The following SIK3 variants were observed in gnomAD, a reference collection of about 807,000 sequenced individuals.
SIK3 encodes the protein serine/threonine-protein kinase SIK3.
In SIK3, 28 loss-of-function variants were observed where a neutral mutation model predicts 144.2. That is an observed-to-expected ratio of 0.19 (90% CI 0.14 to 0.27). The LOEUF is 0.27. Ranked by LOEUF, SIK3 falls within the 10% of genes least tolerant of loss-of-function variation. The pLI is 1.00. For missense variants in SIK3, 1,319 were observed against 1,776.0 expected (o/e 0.74, Z 4.62); for synonymous variants, 686 against 676.3 (o/e 1.01, Z -0.22).
rs769359616 is a variant in SIK3, at chr11:116,847,002, T to C, written c.3953-449A>G. The stretch of plus-strand genomic sequence containing the variant: ...GGCACAATGTAGGATAAAGGCTCTA[T>C]CGTTTTTGCCACTTTACAGATGAGG... On this transcript the variant is annotated intron_variant, in intron 23 of 24. Coordinates refer to ENST00000445177, the MANE Select transcript of SIK3 (RefSeq NM_001366686.3). Among the ~76,000 whole-genome samples the C allele has an allele frequency of 3.4e-4, 52 of 152,234 alleles. 1 individual carries two copies. The highest frequency in any genetic ancestry group is 6.2e-4 in the Non-Finnish European group (42 of 68,010).
intron 6 of SIK3, among the ~76,000 whole-genome samples, chr11:116,891,798 C>T (rs1413549769): frequency 6.6e-6 from 1 of 151,974 alleles, no homozygotes; most frequent in Non-Finnish European, 1.5e-5. Flanking sequence ...AAGACTGGAG[C>T]CAGGAATCCA....
intron 3 of SIK3, among the ~76,000 whole-genome samples, chr11:116,947,691 A>G (rs61907604): frequency 0.32 from 47,775 of 150,302 alleles, 8,634 homozygotes; most frequent in African/African-American, 0.5. Flanking sequence ...TCAGCCTCCC[A>G]AGTAGCTGGG....
At chr11:116,882,205 T>C (rs1408107190) in intron 6 of SIK3, among the ~76,000 whole-genome samples, 1 of 152,066 alleles carries the variant, frequency 6.6e-6, no homozygotes, top group South Asian at 2.1e-4. Flanking sequence ...AGACGGCAAG[T>C]TGGATGGATT....
chr11:116,900,863 TTA>T (rs1297200965), intron 4 of SIK3, among the ~76,000 whole-genome samples: 212 of 146,816 alleles, frequency 1.4e-3, no homozygotes, highest in African/African-American at 5.3e-3. Flanking sequence ...TATATATTAT[TTA>T]TTTTTTTTTT....
chr11:116,995,658 C>T (rs1261869833), intron 1 of SIK3, among the ~76,000 whole-genome samples: 1 of 152,156 alleles, frequency 6.6e-6, no homozygotes, highest in African/African-American at 2.4e-5. Flanking sequence ...CTAGTGATTG[C>T]TCTTAATCCT....
intron 1 of SIK3, among the ~76,000 whole-genome samples, chr11:117,033,750 A>AAAAGG (rs1952372523): frequency 6.6e-6 from 1 of 151,502 alleles, no homozygotes; most frequent in Admixed American, 6.6e-5. Flanking sequence ...AAAAAAAAAG[A>AAAAGG]AAAGGAAAAG....
At chr11:116,868,354 G>A (rs1186841949) in intron 14 of SIK3, among the ~76,000 whole-genome samples, 1 of 152,194 alleles carries the variant, frequency 6.6e-6, no homozygotes, top group Non-Finnish European at 1.5e-5. Flanking sequence ...TCACAAAGAT[G>A]AGATCACTTT....
intron 6 of SIK3, among the ~76,000 whole-genome samples, chr11:116,892,965 C>T (rs1178823528): frequency 6.6e-6 from 1 of 152,108 alleles, no homozygotes; most frequent in Non-Finnish European, 1.5e-5. Flanking sequence ...TCTGAAAAGG[C>T]TGCATCCTGT....
At chr11:116,878,325 C>G (rs1247411972) in intron 6 of SIK3, among the ~76,000 whole-genome samples, 1 of 152,058 alleles carries the variant, frequency 6.6e-6, no homozygotes, top group Non-Finnish European at 1.5e-5. Flanking sequence ...CTTCCCATAA[C>G]CCTCAGAATG....
At chr11:117,006,769 C>G (rs1333117680) in intron 1 of SIK3, among the ~76,000 whole-genome samples, 1 of 152,136 alleles carries the variant, frequency 6.6e-6, no homozygotes, top group Admixed American at 6.5e-5. Flanking sequence ...AACTCACTTA[C>G]CTAAGGATGG....
intron 5 of SIK3, 87 bp downstream of exon 5, chr11:116,897,106 A>G: frequency 7.4e-7 from 1 of 1,349,692 alleles, no homozygotes; most frequent in Non-Finnish European, 1.0e-6. Flanking sequence ...TTCATGTTGC[A>G]TCATTATGTA....
At chr11:116,993,569 G>A (rs896975408) in intron 1 of SIK3, among the ~76,000 whole-genome samples, 2 of 152,026 alleles carry the variant, frequency 1.3e-5, no homozygotes, top group Non-Finnish European at 2.9e-5. Flanking sequence ...AAAAAGTATA[G>A]AGGAGCAGAT....
chr11:116,904,755 T>C (rs1168524347), intron 4 of SIK3: 1 of 152,882 alleles, frequency 6.5e-6, no homozygotes, highest in East Asian at 1.9e-4. Flanking sequence ...AAACATAGAA[T>C]AAAATAGAGA....
intron 6 of SIK3, among the ~76,000 whole-genome samples, chr11:116,886,243 A>G (rs1041766013): frequency 1.7e-4 from 26 of 152,204 alleles, no homozygotes; most frequent in African/African-American, 6.3e-4. Flanking sequence ...AAAGCACTAC[A>G]TAGATTTTTC....
intron 6 of SIK3, among the ~76,000 whole-genome samples, chr11:116,895,565 G>A (rs1411074584): frequency 6.6e-6 from 1 of 152,070 alleles, no homozygotes; most frequent in Non-Finnish European, 1.5e-5. Flanking sequence ...GAAAACAGAT[G>A]ATTAAGCAAA....
At chr11:117,054,865 C>CA (rs1483247878) in intron 1 of SIK3, among the ~76,000 whole-genome samples, 3 of 152,120 alleles carry the variant, frequency 2.0e-5, no homozygotes, top group African/African-American at 4.8e-5. Context: ...GGAAGACAGG[C>CA]AGACAGGCAA....
intron 1 of SIK3, among the ~76,000 whole-genome samples, chr11:117,082,301 A>G (rs983604323): frequency 1.1e-4 from 17 of 152,212 alleles, no homozygotes; most frequent in Non-Finnish European, 1.9e-4. Context: ...GAAAAAAATG[A>G]AAACATGATC....
chr11:116,961,534 C>A (rs781379797), intron 1 of SIK3, among the ~76,000 whole-genome samples: 7 of 152,060 alleles, frequency 4.6e-5, no homozygotes, highest in Non-Finnish European at 8.8e-5. Context: ...GTGTCCACAA[C>A]AAAGGTAAAT....
chr11:116,984,836 C>T (rs745683823), intron 1 of SIK3, among the ~76,000 whole-genome samples: 1 of 152,106 alleles, frequency 6.6e-6, no homozygotes, highest in Non-Finnish European at 1.5e-5. Flanking sequence ...CTTTTGGATA[C>T]AAAACTTAGA....
Sources: gnomAD v4.1 joint callset for allele counts (sites outside exome capture counted in the v4.1 genomes callset) on GRCh38, gnomAD v4.1.1 for gene constraint, MANE v1.5 for transcripts, NCBI Gene and HGNC (gene_info 2026-07-23, HGNC 2026-07-21) for gene names.